HELZ: variants seen among roughly 807,000 people sequenced by gnomAD.
HELZ encodes ATP-dependent RNA helicase with zinc finger domain.
HELZ carries 23 observed loss-of-function variants against 218.2 expected under a neutral mutation model. That is an observed-to-expected ratio of 0.11 (90% CI 0.08 to 0.15). The LOEUF (loss-of-function observed/expected upper bound fraction) is 0.15, where lower values mean the gene tolerates loss of function less well. Among genes scored for constraint, HELZ ranks in the 10% least tolerant of loss-of-function variants. The pLI is 1.00. For synonymous variants in HELZ, 814 were observed against 829.4 expected (o/e 0.98, Z 0.32); for missense variants, 1,813 against 2,353.7 (o/e 0.77, Z 4.75).
chr17:67,150,319 T>C lies in HELZ; in HGVS notation c.2357-334A>G, dbSNP rs138265996. ...TAATTTTTGAACTTTTTTGTAGAGA[T>C]AAGGTTTCACTGTATTTCCCAGTCT... On this transcript the variant is annotated intron_variant, in intron 18 of 32. Transcript: ENST00000358691. Among the ~76,000 whole-genome samples, 624 of 151,784 alleles carry C rather than the reference T, an allele frequency of 4.1e-3. 5 individuals are homozygous for C. The highest frequency in any genetic ancestry group is 0.015 in the African/African-American group (601 of 41,398).
chr17:67,087,686 CTCAT>C (rs1206561799), intron 31 of HELZ, among the ~76,000 whole-genome samples: 2 of 152,328 alleles, frequency 1.3e-5, no homozygotes, highest in Admixed American at 1.3e-4. Context: ...ACACAGCATA[CTCAT>C]TCATTTAGTC....
At chr17:67,190,507 G>A in intron 9 of HELZ, 152 bp from the exon 10 acceptor site, 5 of 628,472 alleles carry the variant, frequency 8.0e-6, no homozygotes, top group Non-Finnish European at 1.4e-5. Context: ...AAAGGAGGGA[G>A]AAGAGGTTTA....
At chr17:67,135,909 C>A in intron 23 of HELZ, 61 bp downstream of exon 23, 2 of 1,316,254 alleles carry the variant, frequency 1.5e-6, no homozygotes, top group Admixed American at 4.1e-5. Context: ...TAAATATACA[C>A]ATAGGGATAC....
At chr17:67,134,785 T>C (rs1003599522) in intron 23 of HELZ, among the ~76,000 whole-genome samples, 3 of 152,154 alleles carry the variant, frequency 2.0e-5, no homozygotes, top group African/African-American at 4.8e-5. Flanking sequence ...CATGTCCTAA[T>C]AGTTTTGTCT....
At chr17:67,181,848 A>C (rs566872109) in intron 12 of HELZ, among the ~76,000 whole-genome samples, 1 of 152,166 alleles carries the variant, frequency 6.6e-6, no homozygotes, top group African/African-American at 2.4e-5. Context: ...CTCTTTCCCT[A>C]CTTCATCTGA....
At chr17:67,213,717 G>A (rs1172623056) in intron 5 of HELZ, among the ~76,000 whole-genome samples, 1 of 152,066 alleles carries the variant, frequency 6.6e-6, no homozygotes, top group Non-Finnish European at 1.5e-5. Context: ...GCAACAATAA[G>A]AAAGAACATA....
In HELZ at chr17:67,109,321, GTTGGGTCCCGCCTGATATGCA is replaced by G; in HGVS notation, c.4263_4283del (p.Ala1422_Asn1428del). On this transcript the variant is annotated inframe_deletion, in exon 29 of 33. Coordinates refer to ENST00000358691, the MANE Select transcript of HELZ (RefSeq NM_014877.4). The stretch of plus-strand genomic sequence containing the variant: ...CAACTGCACTATTAAAAAAAGCATT[GTTGGGTCCCGCCTGATATGCA>G]GGAGAAAGCTGAGGAGGTGGCTGCT... 1.2e-6 allele frequency: 2 copies of G among 1,614,176 alleles called. No individual in the cohort carries two copies. The highest frequency in any genetic ancestry group is 2.7e-5 in the African/African-American group (2 of 75,042).
chr17:67,153,835 A>G lies in HELZ; in HGVS notation c.2178-2611T>C, dbSNP rs560910078. The stretch of plus-strand genomic sequence containing the variant: ...AAAAGGTATGTTGTTTACTCCATCT[A>G]AAAGCACATATTGTGCAAAGTATTT... On this transcript the variant is annotated intron_variant, in intron 17 of 32. Coordinates refer to ENST00000358691, the MANE Select transcript of HELZ (RefSeq NM_014877.4). 4.6e-5 allele frequency among the ~76,000 whole-genome samples: 7 copies of G among 152,398 alleles called. No individual in the cohort carries two copies. The East Asian group carries it at 1.3e-3, about 29-fold the overall frequency.
chr17:67,238,031 A>G (rs536989687), intron 3 of HELZ, among the ~76,000 whole-genome samples: 1 of 149,484 alleles, frequency 6.7e-6, no homozygotes, highest in Admixed American at 6.7e-5. Context: ...GCGGATGAAG[A>G]TATCTCACAA....
intron 32 of HELZ, among the ~76,000 whole-genome samples, chr17:67,081,453 C>T (rs541905765): frequency 6.6e-6 from 1 of 152,280 alleles, no homozygotes; most frequent in East Asian, 1.9e-4. Context: ...GTTAGTTCCT[C>T]TTGTACAAAG....
chr17:67,143,755 T>G (rs1049866276), intron 21 of HELZ, among the ~76,000 whole-genome samples: 1 of 152,084 alleles, frequency 6.6e-6, no homozygotes, highest in Non-Finnish European at 1.5e-5. Flanking sequence ...TCTTTCTCAG[T>G]CTCCTTCTAC....
intron 29 of HELZ, 97 bp downstream of exon 29, chr17:67,109,019 G>T: frequency 9.6e-7 from 1 of 1,038,824 alleles, no homozygotes; most frequent in Non-Finnish European, 1.4e-6. Flanking sequence ...AGCATTATTT[G>T]AAGAAACAAT....
At chr17:67,086,222 TTTC>T (rs1358490994) in intron 32 of HELZ, among the ~76,000 whole-genome samples, 1 of 152,152 alleles carries the variant, frequency 6.6e-6, no homozygotes, top group Non-Finnish European at 1.5e-5. Flanking sequence ...TTAAGCTCCA[TTTC>T]TTCTTTCAAT....
At chr17:67,143,301 T>G (rs2038391004) in intron 21 of HELZ, among the ~76,000 whole-genome samples, 1 of 152,048 alleles carries the variant, frequency 6.6e-6, no homozygotes, top group African/African-American at 2.4e-5. Context: ...CCAACTGAAT[T>G]TTTCAAGGTT....
Position 67,136,020 on chromosome 17 carries a change from C to G in HELZ, c.3132G>C (p.Leu1044=). 6.2e-7 allele frequency: 1 copy of G among 1,613,904 alleles called. No homozygotes were observed. The highest frequency in any genetic ancestry group is 8.5e-7 in the Non-Finnish European group (1 of 1,179,900). ...LNTAITRAQS[L]VAVVGDPIAL... ...CAATGGGATCACCCACCACAGCAAC[C>G]AGGGATTGTGCTCTTGTGATGGCAG... The change falls in exon 23 of 33, where the codon CTG becomes CTC. Residue 1044 remains leucine, a synonymous_variant. Coordinates refer to ENST00000358691, the MANE Select transcript of HELZ (RefSeq NM_014877.4).
At chr17:67,089,694 G>GAGAGAGAGAGAGAGACAGAGAGAC (rs776184027) in intron 31 of HELZ, among the ~76,000 whole-genome samples, 2 of 100,732 alleles carry the variant, frequency 2.0e-5, no homozygotes, top group Non-Finnish European at 3.8e-5. Context: ...GAGAGAGAGA[G>GAGAGAGAGAGAGAGACAGAGAGAC]AGAGAGACAG....
chr17:67,128,725 G>C lies in HELZ; in HGVS notation c.3313C>G (p.Pro1105Ala). 1.2e-6 allele frequency: 2 copies of C among 1,614,096 alleles called. No individual in the cohort carries two copies. Among genetic ancestry groups the C allele is most frequent in the Non-Finnish European group, 1.7e-6 (2 of 1,180,000 alleles). Residue 1105 changes from proline to alanine, a missense_variant, in exon 24 of 33, where the codon CCT (proline) becomes GCT (alanine). Physicochemically the swap from Pro to Ala is conservative, Grantham distance 27. This residue lies in a region of HELZ where 156 missense variants were observed against 274.4 expected (regional missense o/e 0.57). Coordinates refer to ENST00000358691, the MANE Select transcript of HELZ (RefSeq NM_014877.4). ...CTTAGAGCCCGGGGGATAAATTCAG[G>C]TGCCAGCGGATTCAACACATATGTC... Reference protein sequence around the residue: ...KKTYVLNPLAPEFIPRALRLQ... With the variant: ...KKTYVLNPLAAEFIPRALRLQ...
intron 13 of HELZ, among the ~76,000 whole-genome samples, chr17:67,172,273 G>T (rs1174412290): frequency 6.6e-6 from 1 of 152,074 alleles, no homozygotes; most frequent in Non-Finnish European, 1.5e-5. Flanking sequence ...CTCTTCCATG[G>T]GGCCCTTGTG....
At chr17:67,182,054 T>TG (rs2144246153) in intron 12 of HELZ, among the ~76,000 whole-genome samples, 1 of 152,296 alleles carries the variant, frequency 6.6e-6, no homozygotes, top group South Asian at 2.1e-4. Context: ...CATGCGTACC[T>TG]GCTAACACCT....
Sources: allele counts gnomAD v4.1 joint callset (sites outside exome capture counted in the v4.1 genomes callset), GRCh38; gene constraint gnomAD v4.1.1; regional missense constraint gnomAD v4.1.1; transcripts MANE v1.5; gene names NCBI Gene and HGNC (gene_info 2026-07-23, HGNC 2026-07-21).